The following TEX14 variants were observed in gnomAD, a reference collection of about 807,000 sequenced individuals.
TEX14 encodes the protein inactive serine/threonine-protein kinase TEX14.
TEX14 carries 168 observed loss-of-function variants against 178.6 expected under a neutral mutation model. The ratio of observed to expected loss-of-function variants is 0.94; its 90% CI spans 0.83 to 1.07. The LOEUF is 1.07. TEX14 is among the 50% of genes least tolerant of loss of function. The pLI is 0.00. For synonymous variants in TEX14, 626 were observed against 634.1 expected (o/e 0.99, Z 0.19); for missense variants, 1,730 against 1,753.6 (o/e 0.99, Z 0.24).
intron 14 of TEX14, among the ~76,000 whole-genome samples, chr17:58,595,126 T>G (rs1278370691): frequency 6.6e-6 from 1 of 152,120 alleles, no homozygotes; most frequent in Non-Finnish European, 1.5e-5. Context: ...TTAGAATATG[T>G]TTAGAATATA....
chr17:58,657,502 C>CT (rs35359604), intron 1 of TEX14, among the ~76,000 whole-genome samples: 1,465 of 51,374 alleles, frequency 0.029, 561 homozygotes, highest in Middle Eastern at 0.04. Flanking sequence ...ACGGGAAATG[C>CT]TTTTTTTTTT....
rs537111854 is a variant in TEX14, at chr17:58,680,912, T to C, written c.-2+11027A>G. 4.6e-5 allele frequency among the ~76,000 whole-genome samples: 7 copies of C among 152,314 alleles called. No homozygotes were observed. In the South Asian group the frequency reaches 1.5e-3, roughly 32 times the overall value. On this transcript the variant is annotated intron_variant, in intron 1 of 31. Coordinates refer to ENST00000349033, the MANE Select transcript of TEX14 (RefSeq NM_031272.5). ...CTGCCAAAATAAATTAGCCAGAGTTTATAACTTTTTTTTCCTTGTCACTGA... is the reference window on the plus strand; with the variant it reads ...CTGCCAAAATAAATTAGCCAGAGTTCATAACTTTTTTTTCCTTGTCACTGA...
At position 58,577,365 on chromosome 17, in the gene TEX14, T is replaced by C. The variant is rs1397466396; in HGVS notation, c.3320+10A>G. ...AGTTTGAAACTGCATAAGATAATAA[T>C]AGCCCATACCTTCGTACAGGTTGAA... is the stretch of plus-strand genomic sequence containing the variant. On this transcript the variant is annotated intron_variant, in intron 21 of 31. Coordinates refer to ENST00000349033, the MANE Select transcript of TEX14 (RefSeq NM_031272.5). 4 of 1,245,704 alleles carry C rather than the reference T, an allele frequency of 3.2e-6. No homozygotes were observed. In the South Asian group the frequency reaches 4.7e-5, roughly 15 times the overall value. 77.2% of individuals were successfully genotyped at this position (1,245,704 alleles called of 1,614,324 possible).
intron 2 of TEX14, among the ~76,000 whole-genome samples, chr17:58,644,735 C>T (rs1389823334): frequency 6.8e-6 from 1 of 147,398 alleles, no homozygotes; most frequent in East Asian, 2.0e-4. Context: ...TCCGCCCCCC[C>T]TGGTTCAAGC....
intron 1 of TEX14, among the ~76,000 whole-genome samples, chr17:58,656,923 CACAAAAAAAAAA>C (rs2046979496): frequency 3.3e-5 from 1 of 30,732 alleles, no homozygotes. Flanking sequence ...ACTCCCATCT[CACAAAAAAAAAA>C]AAAAAAAAAA....
intron 1 of TEX14, among the ~76,000 whole-genome samples, chr17:58,657,039 C>A (rs980131099): frequency 6.6e-6 from 1 of 151,750 alleles, no homozygotes; most frequent in Non-Finnish European, 1.5e-5. Flanking sequence ...CAACTCCTGG[C>A]CTCAAACAAT....
At position 58,656,565 on chromosome 17, in the gene TEX14, C is replaced by G. The variant is rs547675912; in HGVS notation, c.-1-4563G>C. ...GGTCGGGAGTTCGAGACCAGCCTGACCAACATGGTGAAACCCCATCTCTAC... is the reference window on the plus strand; with the variant it reads ...GGTCGGGAGTTCGAGACCAGCCTGAGCAACATGGTGAAACCCCATCTCTAC... On this transcript the variant is annotated intron_variant, in intron 1 of 31. Coordinates refer to ENST00000349033, the MANE Select transcript of TEX14 (RefSeq NM_031272.5). Among the ~76,000 whole-genome samples, 158 of 151,954 alleles carry G rather than the reference C, an allele frequency of 1.0e-3. 1 individual carries two copies. Among genetic ancestry groups the G allele is most frequent in the Non-Finnish European group, 1.7e-3 (113 of 67,964 alleles).
Position 58,561,506 on chromosome 17 carries a change from T to C in TEX14, c.4157+14A>G. 1 of 1,566,136 alleles carries C rather than the reference T, an allele frequency of 6.4e-7. No homozygotes were observed. The highest frequency in any genetic ancestry group is 1.1e-5 in the South Asian group (1 of 90,022). ...GAAAAAGAAGAAAAGGATTCCCCTT[T>C]GGGGAACAATAACCTTTCAGAGCCC... On this transcript the variant is annotated intron_variant, in intron 29 of 31. Transcript: ENST00000349033.
At chr17:58,660,809 A>T (rs746667458) in intron 1 of TEX14, 4 of 782,024 alleles carry the variant, frequency 5.1e-6, no homozygotes, top group Admixed American at 1.7e-5. Flanking sequence ...CATGGAAGCC[A>T]GACTTGGATA....
At position 58,561,893 on chromosome 17, in the gene TEX14, C is replaced by T. The variant is rs993615382; in HGVS notation, c.4065-281G>A. ...CTGAGGTTAGGAGTTTGAGACCACC[C>T]TGGCCAACACAGTCCAACCCCATCT... On this transcript the variant is annotated intron_variant, in intron 28 of 31. Coordinates refer to ENST00000349033, the MANE Select transcript of TEX14 (RefSeq NM_031272.5). Among the ~76,000 whole-genome samples the T allele has an allele frequency of 1.3e-4, 20 of 152,030 alleles. 1 individual carries two copies. Among genetic ancestry groups the T allele is most frequent in the Admixed American group, 1.3e-3 (20 of 15,244 alleles).
At chr17:58,643,120 G>T (rs1258969361) in intron 2 of TEX14, among the ~76,000 whole-genome samples, 1 of 152,206 alleles carries the variant, frequency 6.6e-6, no homozygotes. Flanking sequence ...ATTCATGAAT[G>T]TATTGTTCCT....
chr17:58,672,722 G>A (rs1285358724), intron 1 of TEX14, among the ~76,000 whole-genome samples: 2 of 151,364 alleles, frequency 1.3e-5, no homozygotes, highest in Admixed American at 6.6e-5. Context: ...ATACCCAGTC[G>A]GCATTCCTTT....
intron 22 of TEX14, 144 bp from the exon 23 acceptor site, chr17:58,573,452 CT>C: frequency 1.4e-6 from 1 of 689,752 alleles, no homozygotes; most frequent in Non-Finnish European, 2.5e-6. Flanking sequence ...CTTAGAACAT[CT>C]TATGTATCTT....
At chr17:58,675,958 G>A (rs2047387396) in intron 1 of TEX14, among the ~76,000 whole-genome samples, 1 of 152,118 alleles carries the variant, frequency 6.6e-6, no homozygotes, top group African/African-American at 2.4e-5. Context: ...ACTACTATGG[G>A]CCAGGTGCCG....
chr17:58,688,194 C>T (rs2047634321), intron 1 of TEX14, among the ~76,000 whole-genome samples: 1 of 152,040 alleles, frequency 6.6e-6, no homozygotes, highest in Non-Finnish European at 1.5e-5. Flanking sequence ...AATATCGGCT[C>T]ACTGCAATCT....
Position 58,569,810 on chromosome 17 carries a change from G to A in TEX14, c.3818-550C>T, listed in dbSNP as rs529333496. ...AAGAGTTATACCAAAGACAGAAGACGTTAAAATTAAAGTAATAAAGGTAAT... is the reference window on the plus strand; with the variant it reads ...AAGAGTTATACCAAAGACAGAAGACATTAAAATTAAAGTAATAAAGGTAAT... On this transcript the variant is annotated intron_variant, in intron 25 of 31. Coordinates refer to ENST00000349033, the MANE Select transcript of TEX14 (RefSeq NM_031272.5). This position sits in a 1 kb window ranked among gnomAD's most constrained non-coding sequence, Gnocchi z 4.1. Among the ~76,000 whole-genome samples, 5 of 152,128 alleles carry A rather than the reference G, an allele frequency of 3.3e-5. No homozygotes were observed. Among genetic ancestry groups the A allele is most frequent in the Admixed American group, 6.5e-5 (1 of 15,268 alleles).
chr17:58,621,658 G>T lies in TEX14; in HGVS notation c.546C>A (p.Leu182=). 2 of 1,613,518 alleles carry T rather than the reference G, an allele frequency of 1.2e-6. No individual in the cohort carries two copies. The highest frequency in any genetic ancestry group is 1.7e-6 in the Non-Finnish European group (2 of 1,179,720). Residue 182 remains leucine, a synonymous_variant, in exon 5 of 32, where the codon CTC becomes CTA. Coordinates refer to ENST00000349033, the MANE Select transcript of TEX14 (RefSeq NM_031272.5). The part of the protein sequence containing the change: ...LVYSPSWCGG[L]VQGNPNGSPN... Reference sequence around the variant, plus strand: ...CTCAAGGCAGTACTCACCCCTGCACGAGGCCCCCACACCAGGACGGGCTGT... The same window carrying T: ...CTCAAGGCAGTACTCACCCCTGCACTAGGCCCCCACACCAGGACGGGCTGT...
At chr17:58,619,796 C>CAAAAA (rs71367606) in intron 5 of TEX14, among the ~76,000 whole-genome samples, 3 of 73,820 alleles carry the variant, frequency 4.1e-5, no homozygotes, top group Admixed American at 3.1e-4. Context: ...GACTCAGTCT[C>CAAAAA]AAAAAAAAAA....
chr17:58,644,505 G>A (rs1567755223), intron 2 of TEX14, among the ~76,000 whole-genome samples: 1 of 151,774 alleles, frequency 6.6e-6, no homozygotes, highest in Non-Finnish European at 1.5e-5. Context: ...GCTAGTTTTT[G>A]TATTTTTGTA....
Sources: allele counts gnomAD v4.1 joint callset (sites outside exome capture counted in the v4.1 genomes callset), GRCh38; gene constraint gnomAD v4.1.1; non-coding constraint Gnocchi (gnomAD v3.1); transcripts MANE v1.5; gene names NCBI Gene and HGNC (gene_info 2026-07-23, HGNC 2026-07-21).